Variants in GLRA3 observed in about 807,000 individuals in gnomAD.
GLRA3 encodes glycine receptor subunit alpha-3.
GLRA3 carries 44 observed loss-of-function variants against 60.4 expected under a neutral mutation model. The ratio of observed to expected loss-of-function variants is 0.73; its 90% CI spans 0.57 to 0.94. The LOEUF is 0.94. Among genes scored for constraint, GLRA3 ranks in the 40% least tolerant of loss-of-function variants. GLRA3 has a pLI of 0.00. For synonymous variants in GLRA3, 223 were observed against 192.9 expected (o/e 1.16, Z -1.29); for missense variants, 508 against 564.6 (o/e 0.90, Z 1.02).
At chr4:174,712,974 T>C (rs1285288868) in intron 5 of GLRA3, among the ~76,000 whole-genome samples, 1 of 144,424 alleles carries the variant, frequency 6.9e-6, no homozygotes, top group Non-Finnish European at 1.5e-5. Context: ...TATGTATATA[T>C]TATATAGTAT....
At chr4:174,680,711 T>C (rs545266863) in intron 6 of GLRA3, among the ~76,000 whole-genome samples, 1 of 152,302 alleles carries the variant, frequency 6.6e-6, no homozygotes, top group Admixed American at 6.5e-5. Flanking sequence ...TAGGATGCTG[T>C]AGCACATAAC....
intron 2 of GLRA3, among the ~76,000 whole-genome samples, chr4:174,785,836 C>T (rs1019609693): frequency 2.6e-5 from 4 of 151,942 alleles, no homozygotes; most frequent in African/African-American, 9.7e-5. Flanking sequence ...GTGGCACAAC[C>T]ATAGCTCACT....
chr4:174,732,615 C>A (rs1736596303), intron 3 of GLRA3, among the ~76,000 whole-genome samples: 1 of 151,944 alleles, frequency 6.6e-6, no homozygotes, highest in South Asian at 2.1e-4. Flanking sequence ...TCAATAAAAT[C>A]AAATACCTAG....
intron 4 of GLRA3, among the ~76,000 whole-genome samples, chr4:174,723,326 G>A (rs929706101): frequency 2.0e-5 from 3 of 151,984 alleles, no homozygotes; most frequent in African/African-American, 7.2e-5. Context: ...TAGGATGGAC[G>A]GAATTAAGCG....
rs115574193 is a variant in GLRA3 at position 174,734,961 on chromosome 4, A to G, written c.268-6263T>C. Among the ~76,000 whole-genome samples, 1,205 of 152,216 alleles carry G rather than the reference A, an allele frequency of 7.9e-3. 9 individuals are homozygous for G. The highest frequency in any genetic ancestry group is 0.015 in the Non-Finnish European group (990 of 68,014). Reference sequence around the variant, plus strand: ...GTGTAAACACCTACAAAGGGCCAGTACTCCTAGTAGCTGCTTGCTGTCAAT... The same window carrying G: ...GTGTAAACACCTACAAAGGGCCAGTGCTCCTAGTAGCTGCTTGCTGTCAAT... On this transcript the variant is annotated intron_variant, in intron 3 of 9. Transcript: ENST00000274093.
At chr4:174,670,676 T>A (rs967212468) in intron 7 of GLRA3, among the ~76,000 whole-genome samples, 1 of 152,160 alleles carries the variant, frequency 6.6e-6, no homozygotes, top group Non-Finnish European at 1.5e-5. Context: ...AGCAGCCCTG[T>A]CTCTATCTCA....
chr4:174,788,590 T>TAAAAAAAAA (rs35640897), intron 2 of GLRA3, among the ~76,000 whole-genome samples: 115 of 87,594 alleles, frequency 1.3e-3, no homozygotes, highest in Middle Eastern at 7.7e-3. Flanking sequence ...GTTAGAGAAG[T>TAAAAAAAAA]AAAAAAAAAA....
intron 7 of GLRA3, among the ~76,000 whole-genome samples, chr4:174,672,986 A>C (rs189085905): frequency 2.0e-5 from 3 of 152,172 alleles, no homozygotes; most frequent in Non-Finnish European, 2.9e-5. Flanking sequence ...CTGATATGAT[A>C]ATAAGTTTAA....
At chr4:174,802,138 C>G (rs920379444) in intron 1 of GLRA3, among the ~76,000 whole-genome samples, 3 of 152,004 alleles carry the variant, frequency 2.0e-5, no homozygotes, top group African/African-American at 7.2e-5. Flanking sequence ...ATGTTTGACA[C>G]TAGAGAAGGT....
intron 3 of GLRA3, among the ~76,000 whole-genome samples, chr4:174,731,115 G>C (rs1736529463): frequency 6.6e-6 from 1 of 152,090 alleles, no homozygotes; most frequent in Admixed American, 6.6e-5. Context: ...ACCATGTCCT[G>C]AAAACCTTAG....
intron 1 of GLRA3, among the ~76,000 whole-genome samples, chr4:174,819,213 T>C (rs561080442): frequency 6.6e-6 from 1 of 152,360 alleles, no homozygotes; most frequent in East Asian, 1.9e-4. Context: ...TATTAGAATA[T>C]GTTCTTCCCT....
intron 1 of GLRA3, among the ~76,000 whole-genome samples, chr4:174,820,256 G>C (rs1034769210): frequency 1.3e-5 from 2 of 152,146 alleles, no homozygotes; most frequent in East Asian, 3.8e-4. Context: ...AGAAAAATAA[G>C]CTGCACCAAA....
At chr4:174,703,548 T>C (rs1213832566) in intron 5 of GLRA3, among the ~76,000 whole-genome samples, 1 of 152,190 alleles carries the variant, frequency 6.6e-6, no homozygotes, top group African/African-American at 2.4e-5. Flanking sequence ...ATTCACACTG[T>C]TTTTGTTTAC....
chr4:174,668,738 G>A (rs748867501), intron 7 of GLRA3, among the ~76,000 whole-genome samples: 14 of 152,126 alleles, frequency 9.2e-5, no homozygotes, highest in Non-Finnish European at 2.1e-4. Context: ...CTACACCTAC[G>A]TGTAGGAACT....
chr4:174,717,314 A>C (rs2111100511), intron 4 of GLRA3, among the ~76,000 whole-genome samples: 1 of 150,874 alleles, frequency 6.6e-6, no homozygotes, highest in East Asian at 1.9e-4. Flanking sequence ...GAAAGAAGGA[A>C]AGAAAGAAGA....
Position 174,750,894 on chromosome 4 carries a change from T to C in GLRA3, c.267+16069A>G, listed in dbSNP as rs182710742. ...CCAGGACATCTCTAGGCTGGAAGCT[T>C]TACTGATAGATGAATTAATGATCTT... On this transcript the variant is annotated intron_variant, in intron 3 of 9. Transcript: ENST00000274093. Among the ~76,000 whole-genome samples, 7 of 152,196 alleles carry C rather than the reference T, an allele frequency of 4.6e-5. No homozygotes were observed. The East Asian group carries it at 1.4e-3, about 29-fold the overall frequency.
intron 2 of GLRA3, among the ~76,000 whole-genome samples, chr4:174,774,377 T>C (rs1482974090): frequency 6.6e-6 from 1 of 151,960 alleles, no homozygotes; most frequent in African/African-American, 2.4e-5. Flanking sequence ...TGTGTGTGTG[T>C]GTATGTGTGT....
chr4:174,740,728 C>A (rs886634078), intron 3 of GLRA3, among the ~76,000 whole-genome samples: 3 of 152,194 alleles, frequency 2.0e-5, no homozygotes, highest in African/African-American at 7.2e-5. Flanking sequence ...AGAGCTCTCA[C>A]CCACAGATAT....
At chr4:174,753,255 T>C (rs1053149684) in intron 3 of GLRA3, among the ~76,000 whole-genome samples, 2 of 152,280 alleles carry the variant, frequency 1.3e-5, no homozygotes, top group Admixed American at 1.3e-4. Flanking sequence ...TGTTGTTTTG[T>C]GGGTAACCTG....
Sources: gnomAD v4.1 joint callset for allele counts (sites outside exome capture counted in the v4.1 genomes callset) on GRCh38, gnomAD v4.1.1 for gene constraint, MANE v1.5 for transcripts, NCBI Gene and HGNC (gene_info 2026-07-23, HGNC 2026-07-21) for gene names.